HPN: variants seen among roughly 807,000 people sequenced by gnomAD.
The protein encoded by HPN is serine protease hepsin.
HPN carries 13 observed loss-of-function variants against 55.9 expected under a neutral mutation model. The observed-to-expected ratio is 0.23, with a 90% CI of 0.15 to 0.37. The LOEUF is 0.37. HPN is among the 10% of genes least tolerant of loss of function. The pLI is 1.00. For synonymous variants in HPN, 225 were observed against 240.3 expected (o/e 0.94, Z 0.59); for missense variants, 451 against 575.8 (o/e 0.78, Z 2.22).
Position 35,060,707 on chromosome 19 carries a change from T to C in HPN, c.701T>C (p.Val234Ala). 6.2e-7 allele frequency: 1 copy of C among 1,614,116 alleles called. No individual in the cohort carries two copies. Among genetic ancestry groups the C allele is most frequent in the Non-Finnish European group, 8.5e-7 (1 of 1,180,018 alleles). ...QASPHGLQLGVQAVVYHGGYL... is the reference protein window; with the variant it reads ...QASPHGLQLGAQAVVYHGGYL... ...TCTCCCCACGGTCTGCAGCTGGGGG[T>C]GCAGGCTGTGGTCTACCACGGGGGC... The change falls in exon 9 of 13, where the codon GTG becomes GCG. Residue 234 changes from valine to alanine, a missense_variant. Physicochemically the swap from Val to Ala is moderately conservative, Grantham distance 64. Transcript: ENST00000672452.
At chr19:35,061,822 C>T (rs1033328599) in intron 9 of HPN, among the ~76,000 whole-genome samples, 1 of 152,054 alleles carries the variant, frequency 6.6e-6, no homozygotes, top group Admixed American at 6.6e-5. Context: ...TCCTGGCACT[C>T]TGGGCAGCTG....
At chr19:35,048,062 AAG>A (rs1568356330) in intron 2 of HPN, among the ~76,000 whole-genome samples, 3 of 52,296 alleles carry the variant, frequency 5.7e-5, no homozygotes, top group African/African-American at 3.3e-4. Flanking sequence ...GAAAGAAAGA[AAG>A]AAAGAAAGAA....
intron 9 of HPN, among the ~76,000 whole-genome samples, chr19:35,063,664 G>A (rs866006561): frequency 2.6e-5 from 4 of 152,152 alleles, no homozygotes; most frequent in African/African-American, 4.8e-5. Context: ...AGCCAAGATC[G>A]TTGCCACACC....
rs763905432 is a variant in HPN, at chr19:35,060,255, T to C, written c.454+86T>C. On this transcript the variant is annotated intron_variant, in intron 7 of 12. Coordinates refer to ENST00000672452, the MANE Select transcript of HPN (RefSeq NM_001384133.1). ...AGCTCCCCAGGATGGGGCCATGTAC[T>C]TTCAGACCCCCTAGGGCAGGGCCAA... 1.9e-6 allele frequency: 3 copies of C among 1,607,434 alleles called. No homozygotes were observed. In the South Asian group the frequency reaches 3.3e-5, roughly 18 times the overall value.
At position 35,042,617 on chromosome 19, in the gene HPN, C is replaced by A. The variant is rs545424324; in HGVS notation, c.16+95C>A. ...CCCTCTACTCTTCGGAGCCCCCTCTCTCTGGGCACCCCTCCCAGATGCATC... is the reference window on the plus strand; with the variant it reads ...CCCTCTACTCTTCGGAGCCCCCTCTATCTGGGCACCCCTCCCAGATGCATC... On this transcript the variant is annotated intron_variant, in intron 2 of 12. Transcript: ENST00000672452. 7 of 1,017,644 alleles carry A rather than the reference C, an allele frequency of 6.9e-6. No homozygotes were observed. The East Asian group carries it at 1.9e-4, about 27-fold the overall frequency. 63.0% of individuals were successfully genotyped at this position (1,017,644 alleles called of 1,614,324 possible).
At chr19:35,050,008 G>A (rs2151757291) in intron 4 of HPN, among the ~76,000 whole-genome samples, 1 of 152,226 alleles carries the variant, frequency 6.6e-6, no homozygotes, top group East Asian at 1.9e-4. Flanking sequence ...AGAGCTATGG[G>A]CTACATCAGG....
chr19:35,041,836 T>C lies in HPN; in HGVS notation c.-91T>C. 7.4e-7 allele frequency: 1 copy of C among 1,343,138 alleles called. No individual in the cohort carries two copies. The highest frequency in any genetic ancestry group is 1.9e-5 in the Admixed American group (1 of 51,742). 83.2% of individuals were successfully genotyped at this position (1,343,138 alleles called of 1,614,324 possible). ...CTGGAGACTGACCCGACCCCGGCAC[T>C]ACCTCGAGGCTCCGCCCCCACCTGC... On this transcript the variant is annotated 5_prime_UTR_variant, in exon 1 of 13. Transcript: ENST00000672452.
intron 9 of HPN, 34 bp downstream of exon 9, chr19:35,060,851 A>G: frequency 6.6e-7 from 1 of 1,520,194 alleles, no homozygotes; most frequent in Non-Finnish European, 8.8e-7. Flanking sequence ...GGGCTTGAGG[A>G]CCCGAGGCCA....
At chr19:35,050,457 G>A in intron 4 of HPN, 1 of 1,268,124 alleles carries the variant, frequency 7.9e-7, no homozygotes, top group Non-Finnish European at 1.0e-6. Context: ...TGTGCAAAAT[G>A]AGGACCAGAG....
At chr19:35,055,739 C>T (rs1200849488) in intron 4 of HPN, among the ~76,000 whole-genome samples, 3 of 151,908 alleles carry the variant, frequency 2.0e-5, no homozygotes, top group African/African-American at 4.8e-5. Flanking sequence ...AATCATATCC[C>T]ACAAAGGGGA....
chr19:35,065,504 C>G (rs781255106), intron 10 of HPN, 35 bp from the exon 11 acceptor site: 6 of 1,610,804 alleles, frequency 3.7e-6, no homozygotes, highest in Admixed American at 3.4e-5. Context: ...GTGTACACCC[C>G]CCAGCTCTGG....
chr19:35,044,920 C>T lies in HPN; in HGVS notation c.16+2398C>T, dbSNP rs144548072. Among the ~76,000 whole-genome samples, 98 of 151,526 alleles carry T rather than the reference C, an allele frequency of 6.5e-4. 1 individual carries two copies. The East Asian group carries it at 0.016, about 24-fold the overall frequency. On this transcript the variant is annotated intron_variant, in intron 2 of 12. Transcript: ENST00000672452. ...GTGCAGATGGAGAGAAAGAAGGAAACGGGGGAAGGAGAGTCACTCAGGAGG... is the reference window on the plus strand; with the variant it reads ...GTGCAGATGGAGAGAAAGAAGGAAATGGGGGAAGGAGAGTCACTCAGGAGG...
chr19:35,041,826 AC>A lies in HPN; in HGVS notation c.-97del, dbSNP rs1215215005. The A allele has an allele frequency of 2.2e-6, 3 of 1,341,072 alleles. No homozygotes were observed. The highest frequency in any genetic ancestry group is 4.8e-5 in the East Asian group (1 of 20,918). The allele number at this position is 1,341,072 out of a possible 1,614,324, so 83.1% of individuals were successfully genotyped here. On this transcript the variant is annotated 5_prime_UTR_variant, in exon 1 of 13. Coordinates refer to ENST00000672452, the MANE Select transcript of HPN (RefSeq NM_001384133.1). ...CTGCCCAGGCCTGGAGACTGACCCG[AC>A]CCCGGCACTACCTCGAGGCTCCGCC...
chr19:35,040,879 G>C (rs780045699), upstream of HPN, among the ~76,000 whole-genome samples: 1 of 152,214 alleles, frequency 6.6e-6, no homozygotes, highest in Non-Finnish European at 1.5e-5. Context: ...GGGCACAGCG[G>C]GCACGTGTGG....
chr19:35,049,107 G>A (rs2064376069), intron 2 of HPN, among the ~76,000 whole-genome samples, 183 bp from the exon 3 acceptor site: 1 of 152,204 alleles, frequency 6.6e-6, no homozygotes, highest in Non-Finnish European at 1.5e-5. Flanking sequence ...TGGGCACCTG[G>A]TTGTTCACAC....
At chr19:35,060,063 C>A in intron 6 of HPN, 66 bp from the exon 7 acceptor site, 1 of 1,614,000 alleles carries the variant, frequency 6.2e-7, no homozygotes, top group Admixed American at 1.7e-5. Context: ...TCCCCGTTTT[C>A]CTTCCACCTG....
intron 4 of HPN, among the ~76,000 whole-genome samples, chr19:35,052,293 C>T (rs1047944622): frequency 6.6e-6 from 1 of 151,952 alleles, no homozygotes; most frequent in African/African-American, 2.4e-5. Flanking sequence ...TTTGGGAGGC[C>T]GAGGCAGGCA....
upstream of HPN, chr19:35,040,591 T>C (rs1270702462): frequency 1.3e-5 from 2 of 152,434 alleles, no homozygotes; most frequent in African/African-American, 4.8e-5. Flanking sequence ...GGGGGAGCCA[T>C]GGGCTCAGGG....
At chr19:35,053,473 C>G (rs750252777) in intron 4 of HPN, among the ~76,000 whole-genome samples, 8 of 150,300 alleles carry the variant, frequency 5.3e-5, no homozygotes, top group Non-Finnish European at 7.4e-5. Flanking sequence ...CAGGCCAGGC[C>G]GGTGCGGTGG....
Sources: gnomAD v4.1 joint callset for allele counts (sites outside exome capture counted in the v4.1 genomes callset) on GRCh38, gnomAD v4.1.1 for gene constraint, MANE v1.5 for transcripts, NCBI Gene and HGNC (gene_info 2026-07-23, HGNC 2026-07-21) for gene names.